STAT4: variants seen among roughly 807,000 people sequenced by gnomAD.
STAT4 encodes the protein signal transducer and activator of transcription 4.
STAT4 carries 42 observed loss-of-function variants against 110.5 expected under a neutral mutation model. That is an observed-to-expected ratio of 0.38 (90% confidence interval 0.30 to 0.49). STAT4 has a LOEUF of 0.49. Ranked by LOEUF, STAT4 falls within the 20% of genes least tolerant of loss-of-function variation. STAT4 has a pLI of 0.95. For missense variants in STAT4, 632 were observed against 887.9 expected, an observed-to-expected ratio of 0.71 and a Z score of 3.66; for synonymous variants, 284 against 302.2, an observed-to-expected ratio of 0.94 and a Z score of 0.63.
At chr2:191,119,244 G>A (rs1006929065) in intron 3 of STAT4, among the ~76,000 whole-genome samples, 2 of 152,152 alleles carry the variant, frequency 1.3e-5, no homozygotes, top group South Asian at 2.1e-4. Flanking sequence ...AAAGGGTCCC[G>A]AAAGATGGGA....
Position 191,138,813 on chromosome 2 carries a change from C to T in STAT4, c.273+7800G>A, listed in dbSNP as rs116387441. On this transcript the variant is annotated intron_variant, in intron 3 of 23. Coordinates refer to ENST00000392320, the MANE Select transcript of STAT4 (RefSeq NM_003151.4). The surrounding 1 kb of genome is among the most constrained non-coding windows in gnomAD (Gnocchi z 4.3). ...GGAAAGGGCATAACAAGAAAACTAC[C>T]GGACCAATAGCTCTGATGAACATAG... 2.1e-4 allele frequency among the ~76,000 whole-genome samples: 32 copies of T among 152,118 alleles called. No homozygotes were observed. Among genetic ancestry groups the T allele is most frequent in the Non-Finnish European group, 3.8e-4 (26 of 67,940 alleles).
Position 191,087,093 on chromosome 2 carries a change from C to T in STAT4, c.274-10768G>A, listed in dbSNP as rs1697654826. 1.3e-5 allele frequency among the ~76,000 whole-genome samples: 2 copies of T among 152,208 alleles called. 1 individual carries two copies. The highest frequency in any genetic ancestry group is 4.1e-4 in the South Asian group (2 of 4,824). On this transcript the variant is annotated intron_variant, in intron 3 of 23. Coordinates refer to ENST00000392320, the MANE Select transcript of STAT4 (RefSeq NM_003151.4). ...TCTGATTGTCTACCTAATATAGAAG[C>T]CTAACCCATCTGCAATGTCGCCTCC... is the stretch of plus-strand genomic sequence containing the variant.
At chr2:191,041,699 G>A (rs1482614275) in intron 14 of STAT4, 1 of 152,152 alleles carries the variant, frequency 6.6e-6, no homozygotes, top group Non-Finnish European at 1.5e-5. Context: ...CTGAGTGAAA[G>A]GTAGGGGAGT....
chr2:191,140,737 G>T lies in STAT4; in HGVS notation c.273+5876C>A, dbSNP rs185245416. ...TTTAATCCAGCAATCCCACTACTGG[G>T]TATCTACCCAAAGGAAAAGAAATCA... On this transcript the variant is annotated intron_variant, in intron 3 of 23. Coordinates refer to ENST00000392320, the MANE Select transcript of STAT4 (RefSeq NM_003151.4). The surrounding 1 kb of genome is among the most constrained non-coding windows in gnomAD (Gnocchi z 4.4). Among the ~76,000 whole-genome samples, 67 of 152,224 alleles carry T rather than the reference G, an allele frequency of 4.4e-4. No homozygotes were observed. Among genetic ancestry groups the T allele is most frequent in the African/African-American group, 1.6e-3 (66 of 41,548 alleles).
At position 191,034,569 on chromosome 2, in the gene STAT4, G is replaced by A; in HGVS notation, c.1599C>T (p.Leu533=). 1 of 1,613,794 alleles carries A rather than the reference G, an allele frequency of 6.2e-7. No homozygotes were observed. Residue 533 remains leucine, a synonymous_variant, in exon 18 of 24, where the codon CTC becomes CTT. Coordinates refer to ENST00000392320, the MANE Select transcript of STAT4 (RefSeq NM_003151.4). ...GTACCTTGCAGAACTTGGCCCAGGT[G>A]AGGTGACCATCACTGTAGCTAGATT... is the stretch of plus-strand genomic sequence containing the variant. ...TVQSSYSDGH[L]TWAKFCKEHL... is the part of the protein sequence containing the mutation.
chr2:191,131,146 C>T (rs1222403419), intron 3 of STAT4, among the ~76,000 whole-genome samples: 1 of 151,652 alleles, frequency 6.6e-6, no homozygotes, highest in African/African-American at 2.4e-5. Context: ...TTTTAAAAAA[C>T]AATTTGGCAT....
In STAT4 at chr2:191,077,232, G is replaced by A. The variant is rs1456457627; in HGVS notation, c.274-907C>T. ...TTACTTGGTGCAAATTAAAATACTGGAATCCCTTTGGAGAAAGTATGTACT... is the reference window on the plus strand; with the variant it reads ...TTACTTGGTGCAAATTAAAATACTGAAATCCCTTTGGAGAAAGTATGTACT... On this transcript the variant is annotated intron_variant, in intron 3 of 23. Coordinates refer to ENST00000392320, the MANE Select transcript of STAT4 (RefSeq NM_003151.4). This position sits in a 1 kb window ranked among gnomAD's most constrained non-coding sequence, Gnocchi z 4.1. Among the ~76,000 whole-genome samples, 3 of 152,124 alleles carry A rather than the reference G, an allele frequency of 2.0e-5. No homozygotes were observed. The East Asian group carries it at 5.8e-4, about 29-fold the overall frequency.
chr2:191,122,370 A>G (rs1163655008), intron 3 of STAT4, among the ~76,000 whole-genome samples: 3 of 152,062 alleles, frequency 2.0e-5, no homozygotes, highest in South Asian at 4.2e-4. Context: ...TTGACTAGGA[A>G]GTAGAGCAAC....
rs1268250880 is a variant in STAT4, at chr2:191,077,179, C to A, written c.274-854G>T. Among the ~76,000 whole-genome samples, 1 of 152,142 alleles carries A rather than the reference C, an allele frequency of 6.6e-6. No homozygotes were observed. The highest frequency in any genetic ancestry group is 1.5e-5 in the Non-Finnish European group (1 of 68,008). ...TAATGATGCAGATACTGTAAATTGG[C>A]AGCCTGTGGGCCTAATTCAGCCATC... On this transcript the variant is annotated intron_variant, in intron 3 of 23. Coordinates refer to ENST00000392320, the MANE Select transcript of STAT4 (RefSeq NM_003151.4). This position sits in a 1 kb window ranked among gnomAD's most constrained non-coding sequence, Gnocchi z 4.1.
rs1697504076 is a variant in STAT4 at position 191,082,224 on chromosome 2, A to T, written c.274-5899T>A. ...ATAAAGGATTTTATTGTTGCTTTCCAAGAAAACTTGGAATTTAGGGTCATC... is the reference window on the plus strand; with the variant it reads ...ATAAAGGATTTTATTGTTGCTTTCCTAGAAAACTTGGAATTTAGGGTCATC... On this transcript the variant is annotated intron_variant, in intron 3 of 23. Transcript: ENST00000392320. This position sits in a 1 kb window ranked among gnomAD's most constrained non-coding sequence, Gnocchi z 4.7. 6.6e-6 allele frequency among the ~76,000 whole-genome samples: 1 copy of T among 152,196 alleles called. No individual in the cohort carries two copies. Among genetic ancestry groups the T allele is most frequent in the Admixed American group, 6.5e-5 (1 of 15,274 alleles).
At position 191,110,947 on chromosome 2, in the gene STAT4, C is replaced by T. The variant is rs947451026; in HGVS notation, c.274-34622G>A. ...TACAGGTGGGTGACACCAGGCCCAG[C>T]GAATTTTTCTGTATTTTTAGTAGAG... On this transcript the variant is annotated intron_variant, in intron 3 of 23. Transcript: ENST00000392320. The surrounding 1 kb of genome is among the most constrained non-coding windows in gnomAD (Gnocchi z 4.5). Among the ~76,000 whole-genome samples, 1 of 151,980 alleles carries T rather than the reference C, an allele frequency of 6.6e-6. No homozygotes were observed. The highest frequency in any genetic ancestry group is 1.5e-5 in the Non-Finnish European group (1 of 67,974).
At chr2:191,065,436 T>C (rs915033090) in intron 7 of STAT4, among the ~76,000 whole-genome samples, 7 of 152,202 alleles carry the variant, frequency 4.6e-5, no homozygotes, top group Non-Finnish European at 1.0e-4. Context: ...GGCTAGGGGT[T>C]AGAAGATATG....
chr2:191,039,395 G>A lies in STAT4; in HGVS notation c.1336-98C>T, dbSNP rs956219357. On this transcript the variant is annotated intron_variant, in intron 15 of 23. Transcript: ENST00000392320. This position sits in a 1 kb window ranked among gnomAD's most constrained non-coding sequence, Gnocchi z 4.7. ...CCTCTAAAGGGCCAATCTCAAGCCAGCCCCACACCTCCAGTCCTGATGTCC... is the reference window on the plus strand; with the variant it reads ...CCTCTAAAGGGCCAATCTCAAGCCAACCCCACACCTCCAGTCCTGATGTCC... 4.2e-6 allele frequency: 4 copies of A among 958,872 alleles called. No homozygotes were observed. In the African/African-American group the frequency reaches 6.4e-5, roughly 15 times the overall value. The allele number at this position is 958,872 out of a possible 1,614,324, so 59.4% of individuals were successfully genotyped here.
chr2:191,135,802 A>G lies in STAT4; in HGVS notation c.273+10811T>C, dbSNP rs186099584. On this transcript the variant is annotated intron_variant, in intron 3 of 23. Coordinates refer to ENST00000392320, the MANE Select transcript of STAT4 (RefSeq NM_003151.4). This position sits in a 1 kb window ranked among gnomAD's most constrained non-coding sequence, Gnocchi z 4.8. Reference sequence around the variant, plus strand: ...AATTCTATCAAACTTTCATAGAAGAACTAACACCAATTCTCCTCAAATTAT... The same window carrying G: ...AATTCTATCAAACTTTCATAGAAGAGCTAACACCAATTCTCCTCAAATTAT... Among the ~76,000 whole-genome samples, 1 of 152,278 alleles carries G rather than the reference A, an allele frequency of 6.6e-6. No individual in the cohort carries two copies. The highest frequency in any genetic ancestry group is 1.9e-4 in the East Asian group (1 of 5,192).
At position 191,100,131 on chromosome 2, in the gene STAT4, T is replaced by C. The variant is rs1698114078; in HGVS notation, c.274-23806A>G. On this transcript the variant is annotated intron_variant, in intron 3 of 23. Transcript: ENST00000392320. Reference sequence around the variant, plus strand: ...AAATTAGAACTCCTAAAGCAAGAAGTGGAAAAATTATTCCAATCTGAAGAA... The same window carrying C: ...AAATTAGAACTCCTAAAGCAAGAAGCGGAAAAATTATTCCAATCTGAAGAA... Among the ~76,000 whole-genome samples, 4 of 152,052 alleles carry C rather than the reference T, an allele frequency of 2.6e-5. No individual in the cohort carries two copies. In the South Asian group the frequency reaches 8.3e-4, roughly 32 times the overall value.
intron 3 of STAT4, among the ~76,000 whole-genome samples, chr2:191,145,201 G>A (rs1223330330): frequency 1.3e-5 from 2 of 152,134 alleles, no homozygotes; most frequent in Non-Finnish European, 1.5e-5. Context: ...TTCTGCCATT[G>A]TAGTGTAAAA....
In STAT4 at chr2:191,037,211, G is replaced by T. The variant is rs180973904; in HGVS notation, c.1435-912C>A. ...CCAGACCAATCATCCCAAAGTGCTA[G>T]AAATGGTAAAGTCCCAGGCTAGGGA... is the stretch of plus-strand genomic sequence containing the variant. On this transcript the variant is annotated intron_variant, in intron 16 of 23. Transcript: ENST00000392320. The surrounding 1 kb of genome is among the most constrained non-coding windows in gnomAD (Gnocchi z 4.8). Among the ~76,000 whole-genome samples, 442 of 152,278 alleles carry T rather than the reference G, an allele frequency of 2.9e-3. 3 individuals are homozygous for T. Among genetic ancestry groups the T allele is most frequent in the Non-Finnish European group, 3.2e-3 (221 of 68,002 alleles).
intron 5 of STAT4, among the ~76,000 whole-genome samples, 192 bp downstream of exon 5, chr2:191,072,906 T>A (rs1697207749): frequency 6.6e-6 from 1 of 152,110 alleles, no homozygotes; most frequent in Non-Finnish European, 1.5e-5. Context: ...ATCAAAGAAG[T>A]TCAAGGTGAA....
intron 3 of STAT4, among the ~76,000 whole-genome samples, chr2:191,123,226 T>C (rs532512759): frequency 3.0e-4 from 45 of 152,308 alleles, no homozygotes; most frequent in Non-Finnish European, 1.8e-4. Context: ...TCTTCTGTAT[T>C]CCTGGAGTCC....
Sources: gnomAD v4.1 joint callset for allele counts (sites outside exome capture counted in the v4.1 genomes callset) on GRCh38, gnomAD v4.1.1 for gene constraint, Gnocchi (gnomAD v3.1) non-coding constraint, MANE v1.5 for transcripts, NCBI Gene and HGNC (gene_info 2026-07-23, HGNC 2026-07-21) for gene names.